Variants in ABHD5 observed in about 807,000 individuals in gnomAD.
ABHD5 encodes 1-acylglycerol-3-phosphate O-acyltransferase ABHD5.
A neutral mutation model predicts 44.9 loss-of-function variants in ABHD5; 30 were observed. That is an observed-to-expected ratio of 0.67 (90% CI 0.50 to 0.91). The LOEUF (loss-of-function observed/expected upper bound fraction) is 0.91, where lower values mean the gene tolerates loss of function less well. ABHD5 is among the 40% of genes least tolerant of loss of function. ABHD5 has a pLI of 0.00. For missense variants in ABHD5, 399 were observed against 423.4 expected, an observed-to-expected ratio of 0.94 and a Z score of 0.50; for synonymous variants, 167 against 147.0, an observed-to-expected ratio of 1.14 and a Z score of -0.99.
chr3:43,698,780 A>T lies in ABHD5; in HGVS notation c.48-496A>T, dbSNP rs9879633. On this transcript the variant is annotated intron_variant, in intron 1 of 6. Transcript: ENST00000644371. ...TTGTGTTAGGGGTATGTTACTACTC[A>T]TATGAGATTTGAAGCCTTCTTTTTC... is the stretch of plus-strand genomic sequence containing the variant. 1.4e-3 allele frequency among the ~76,000 whole-genome samples: 215 copies of T among 152,328 alleles called. 2 individuals are homozygous for T. The highest frequency in any genetic ancestry group is 4.9e-3 in the African/African-American group (205 of 41,572).
In ABHD5 at chr3:43,720,035, T is replaced by C. The variant is rs2084814899; in HGVS notation, c.*1503T>C. The stretch of plus-strand genomic sequence containing the variant: ...CCCCTATAAAAGAATAGACAAATTA[T>C]ACTGAAGCATGATATAAACATCTTC... On this transcript the variant is annotated 3_prime_UTR_variant, in exon 7 of 7. Coordinates refer to ENST00000644371, the MANE Select transcript of ABHD5 (RefSeq NM_016006.6). 6.6e-6 allele frequency: 1 copy of C among 152,240 alleles called. No individual in the cohort carries two copies. Among genetic ancestry groups the C allele is most frequent in the Non-Finnish European group, 1.5e-5 (1 of 68,034 alleles). 9.4% of individuals were successfully genotyped at this position (152,240 alleles called of 1,614,324 possible).
intron 3 of ABHD5, among the ~76,000 whole-genome samples, chr3:43,709,864 A>G (rs1040997632): frequency 1.2e-4 from 19 of 152,066 alleles, no homozygotes; most frequent in African/African-American, 4.6e-4. Flanking sequence ...GCAACATGGT[A>G]AAACCCCATC....
chr3:43,710,041 TCAAAA>T (rs2084668206), intron 3 of ABHD5, among the ~76,000 whole-genome samples: 2 of 151,834 alleles, frequency 1.3e-5, no homozygotes, highest in African/African-American at 4.8e-5. Flanking sequence ...AGACTCCATC[TCAAAA>T]CAAATAAAAA....
At chr3:43,707,167 A>T (rs963624914) in intron 3 of ABHD5, among the ~76,000 whole-genome samples, 1 of 152,222 alleles carries the variant, frequency 6.6e-6, no homozygotes, top group Admixed American at 6.5e-5. Flanking sequence ...CCCATTAAAA[A>T]AACTATCTGT....
chr3:43,725,732 T>C (rs560411506), downstream of ABHD5, among the ~76,000 whole-genome samples: 1 of 152,342 alleles, frequency 6.6e-6, no homozygotes, highest in Non-Finnish European at 1.5e-5. Context: ...AGGACAGGTC[T>C]GAAAACCTGA....
chr3:43,698,965 T>C (rs1048929919), intron 1 of ABHD5, among the ~76,000 whole-genome samples: 2 of 152,214 alleles, frequency 1.3e-5, no homozygotes, highest in African/African-American at 2.4e-5. Context: ...TGTCTTGCAG[T>C]GGGGAGGAAT....
At chr3:43,713,301 C>CT (rs2084712093) in intron 4 of ABHD5, among the ~76,000 whole-genome samples, 1 of 106,860 alleles carries the variant, frequency 9.4e-6, no homozygotes, top group Admixed American at 1.3e-4. Context: ...CCAGCCTGGG[C>CT]AACAGTGCAA....
At chr3:43,731,304 G>A (rs1029158640) in intron 7 of ABHD5, among the ~76,000 whole-genome samples, 2 of 152,218 alleles carry the variant, frequency 1.3e-5, no homozygotes, top group African/African-American at 4.8e-5. Flanking sequence ...GACATAGAAA[G>A]TTTCAACAGA....
At chr3:43,708,844 A>T (rs2084654174) in intron 3 of ABHD5, among the ~76,000 whole-genome samples, 1 of 152,206 alleles carries the variant, frequency 6.6e-6, no homozygotes, top group Admixed American at 6.5e-5. Context: ...GTATCACCCC[A>T]CAAAACTTGT....
intron 5 of ABHD5, 27 bp downstream of exon 5, chr3:43,715,085 CTGTGTGTGTGTG>C (rs10662733): frequency 7.7e-5 from 65 of 846,848 alleles, no homozygotes; most frequent in African/African-American, 7.5e-4. Context: ...TCAATTCACT[CTGTGTGTGTGTG>C]TGTGTGTGTG....
intron 3 of ABHD5, among the ~76,000 whole-genome samples, chr3:43,709,455 TC>T (rs1327205290): frequency 6.6e-6 from 1 of 152,214 alleles, no homozygotes; most frequent in African/African-American, 2.4e-5. Context: ...AGATGAGACT[TC>T]TGTCAAGTTT....
intron 7 of ABHD5, among the ~76,000 whole-genome samples, chr3:43,728,760 A>G (rs925253416): frequency 6.6e-6 from 1 of 152,196 alleles, no homozygotes; most frequent in African/African-American, 2.4e-5. Flanking sequence ...CCACTAACAG[A>G]GATAGATCTG....
At chr3:43,713,648 A>G (rs569832953) in intron 4 of ABHD5, among the ~76,000 whole-genome samples, 1 of 152,318 alleles carries the variant, frequency 6.6e-6, no homozygotes, top group Non-Finnish European at 1.5e-5. Flanking sequence ...GCCACTCCTT[A>G]CTATGCCTGG....
intron 1 of ABHD5, among the ~76,000 whole-genome samples, chr3:43,697,402 GTTTGT>G (rs1180119169): frequency 6.6e-6 from 1 of 152,098 alleles, no homozygotes; most frequent in South Asian, 2.1e-4. Flanking sequence ...TTCGAGGGAT[GTTTGT>G]TTAAGACAAT....
chr3:43,729,096 G>GACAGA (rs35584967), intron 7 of ABHD5, among the ~76,000 whole-genome samples: 5 of 152,198 alleles, frequency 3.3e-5, no homozygotes, highest in African/African-American at 1.2e-4. Flanking sequence ...AACAGCCTGA[G>GACAGA]ACAGAGGTCC....
chr3:43,726,961 G>A (rs1345866023), downstream of ABHD5, among the ~76,000 whole-genome samples: 1 of 152,158 alleles, frequency 6.6e-6, no homozygotes, highest in Non-Finnish European at 1.5e-5. Flanking sequence ...GTCTTTTGGT[G>A]GCACTTGAAC....
intron 2 of ABHD5, among the ~76,000 whole-genome samples, chr3:43,699,903 G>A (rs1469834656): frequency 6.6e-6 from 1 of 152,108 alleles, no homozygotes; most frequent in Admixed American, 6.6e-5. Context: ...GAGAATGAGA[G>A]TGAAAAATAG....
intron 7 of ABHD5, among the ~76,000 whole-genome samples, chr3:43,729,751 T>C (rs979841780): frequency 1.3e-5 from 2 of 152,210 alleles, no homozygotes; most frequent in Non-Finnish European, 2.9e-5. Flanking sequence ...TACAAGTTGC[T>C]CTATGATAGA....
chr3:43,705,880 TAAA>T (rs1173979391), intron 3 of ABHD5, among the ~76,000 whole-genome samples: 1 of 152,236 alleles, frequency 6.6e-6, no homozygotes, highest in African/African-American at 2.4e-5. Context: ...AACTTTTTAT[TAAA>T]AAGAATTTTT....
Sources: allele counts gnomAD v4.1 joint callset (sites outside exome capture counted in the v4.1 genomes callset), GRCh38; gene constraint gnomAD v4.1.1; transcripts MANE v1.5; gene names NCBI Gene and HGNC (gene_info 2026-07-23, HGNC 2026-07-21).